ADAMTS19: variants seen among roughly 807,000 people sequenced by gnomAD.
ADAMTS19 encodes the protein ADAM metallopeptidase with thrombospondin type 1 motif 19, also known as A disintegrin and metalloproteinase with thrombospondin motifs 19.
In ADAMTS19, 93 loss-of-function variants were observed where a neutral mutation model predicts 153.3. The ratio of observed to expected loss-of-function variants is 0.61; its 90% CI spans 0.51 to 0.72. The LOEUF (loss-of-function observed/expected upper bound fraction) is 0.72, where lower values mean the gene tolerates loss of function less well. Among genes scored for constraint, ADAMTS19 ranks in the 30% least tolerant of loss-of-function variants. The pLI is 0.00. For synonymous variants in ADAMTS19, 600 were observed against 556.6 expected, an observed-to-expected ratio of 1.08 and a Z score of -1.10; for missense variants, 1,482 against 1,552.1, an observed-to-expected ratio of 0.95 and a Z score of 0.76.
intron 6 of ADAMTS19, among the ~76,000 whole-genome samples, chr5:129,545,026 T>A (rs959175899): frequency 5.3e-5 from 8 of 152,078 alleles, no homozygotes; most frequent in African/African-American, 1.4e-4. Flanking sequence ...ACTGACTGAG[T>A]TCATAATATA....
intron 3 of ADAMTS19, among the ~76,000 whole-genome samples, chr5:129,521,425 CA>C (rs1346226622): frequency 1.3e-5 from 2 of 152,054 alleles, no homozygotes; most frequent in Non-Finnish European, 2.9e-5. Flanking sequence ...TTAGATATTG[CA>C]ATAAGCAAGT....
intron 19 of ADAMTS19, 74 bp from the exon 20 acceptor site, chr5:129,701,314 A>C: frequency 6.7e-7 from 1 of 1,501,030 alleles, no homozygotes; most frequent in Non-Finnish European, 9.2e-7. Flanking sequence ...CTTTATTAGC[A>C]GTGTGAGAAC....
rs532692672 is a variant in ADAMTS19 at position 129,707,473 on chromosome 5, A to G, written c.3312+3082A>G. 2.3e-4 allele frequency among the ~76,000 whole-genome samples: 35 copies of G among 152,360 alleles called. No individual in the cohort carries two copies. In the South Asian group the frequency reaches 3.5e-3, roughly 15 times the overall value. On this transcript the variant is annotated intron_variant, in intron 21 of 22. Coordinates refer to ENST00000274487, the MANE Select transcript of ADAMTS19 (RefSeq NM_133638.6). ...CAGACTCAAACAGTGTGCACAAATTAAAACCAGTGGCTCCACGTGAATTTT... is the reference window on the plus strand; with the variant it reads ...CAGACTCAAACAGTGTGCACAAATTGAAACCAGTGGCTCCACGTGAATTTT...
At position 129,461,556 on chromosome 5, in the gene ADAMTS19, G is replaced by A. The variant is rs1039740561; in HGVS notation, c.546G>A (p.Leu182=). 5.2e-6 allele frequency: 8 copies of A among 1,547,068 alleles called. No individual in the cohort carries two copies. The highest frequency in any genetic ancestry group is 1.7e-4 in the Middle Eastern group (1 of 5,938). ...GGATCCCGGCCTTCTCTCGGGACCTGTACCTGCTGCTCCGGAGAGACGGCC... is the reference window on the plus strand; with the variant it reads ...GGATCCCGGCCTTCTCTCGGGACCTATACCTGCTGCTCCGGAGAGACGGCC... ...LLRIPAFSRD[L]YLLLRRDGRF... is the part of the protein sequence containing the mutation. The change falls in exon 2 of 23, where the codon CTG becomes CTA. Residue 182 remains leucine (L), a synonymous_variant. Coordinates refer to ENST00000274487, the MANE Select transcript of ADAMTS19 (RefSeq NM_133638.6). This position sits in a 1 kb window ranked among gnomAD's most constrained non-coding sequence, Gnocchi z 4.6.
At chr5:129,703,303 A>G (rs1348992674) in intron 20 of ADAMTS19, among the ~76,000 whole-genome samples, 2 of 151,976 alleles carry the variant, frequency 1.3e-5, no homozygotes, top group Non-Finnish European at 2.9e-5. Context: ...TGGAATATAC[A>G]TATGTGCTTT....
At chr5:129,688,540 G>C (rs943781793) in intron 18 of ADAMTS19, among the ~76,000 whole-genome samples, 76 of 152,106 alleles carry the variant, frequency 5.0e-4, no homozygotes, top group African/African-American at 1.7e-3. Flanking sequence ...TTTCAAATAT[G>C]TATTTATTAT....
chr5:129,529,361 A>G (rs919311526), intron 6 of ADAMTS19, among the ~76,000 whole-genome samples: 5 of 152,136 alleles, frequency 3.3e-5, no homozygotes, highest in African/African-American at 1.2e-4. Context: ...ATTACACATG[A>G]TTTTCTGAAA....
intron 2 of ADAMTS19, among the ~76,000 whole-genome samples, chr5:129,495,127 C>A (rs1409943822): frequency 2.0e-5 from 3 of 151,870 alleles, no homozygotes; most frequent in Non-Finnish European, 2.9e-5. Context: ...GATATGTGAG[C>A]ACTCTATTAT....
chr5:129,725,713 CCACTTCTGCCCTGGTCATGTCT>C, intron 21 of ADAMTS19, among the ~76,000 whole-genome samples: 1 of 151,952 alleles, frequency 6.6e-6, no homozygotes, highest in Non-Finnish European at 1.5e-5. Context: ...AGGGAGAGTC[CCACTTCTGCCCTGGTCATGTCT>C]GCCTGACTAT....
At chr5:129,551,961 C>T in intron 7 of ADAMTS19, 54 bp downstream of exon 7, 1 of 1,156,362 alleles carries the variant, frequency 8.6e-7, no homozygotes, top group Non-Finnish European at 1.2e-6. Context: ...GAACATATCA[C>T]TTGTTTAAGT....
chr5:129,704,583 A>G (rs964317590), intron 21 of ADAMTS19, among the ~76,000 whole-genome samples, 192 bp downstream of exon 21: 2 of 152,196 alleles, frequency 1.3e-5, no homozygotes, highest in Non-Finnish European at 2.9e-5. Flanking sequence ...TGAAGATAAA[A>G]TGTACAAAGC....
intron 7 of ADAMTS19, among the ~76,000 whole-genome samples, chr5:129,582,798 C>T (rs529830177): frequency 1.8e-4 from 27 of 151,588 alleles, no homozygotes; most frequent in Non-Finnish European, 3.1e-4. Context: ...TCTTGATCTC[C>T]TTGACCCTGT....
intron 7 of ADAMTS19, among the ~76,000 whole-genome samples, chr5:129,578,077 C>CATATACAT (rs1749255871): frequency 9.3e-6 from 1 of 107,834 alleles, no homozygotes; most frequent in African/African-American, 2.8e-5. Flanking sequence ...CACACACACA[C>CATATACAT]ACATATATAC....
rs141743571 is a variant in ADAMTS19, at chr5:129,471,450, AGAAGGAAGGAAG to A, written c.747+9717_747+9728del. ...AAAGAAAGGAAGGAAAGAAAGAAAA[AGAAGGAAGGAAG>A]GAAGGAAGGAAGGAAGGAAGGAAAG... On this transcript the variant is annotated intron_variant, in intron 2 of 22. Transcript: ENST00000274487. 1.6e-4 allele frequency among the ~76,000 whole-genome samples: 24 copies of A among 146,632 alleles called. 1 individual carries two copies. The highest frequency in any genetic ancestry group is 4.3e-4 in the South Asian group (2 of 4,600).
Position 129,596,587 on chromosome 5 carries a change from T to A in ADAMTS19, c.1401T>A (p.Ser467Arg). 1 of 1,608,290 alleles carries A rather than the reference T, an allele frequency of 6.2e-7. No individual in the cohort carries two copies. Among genetic ancestry groups the A allele is most frequent in the South Asian group, 1.1e-5 (1 of 90,012 alleles). ...TAGCTTACTTGAGTGGAATGTGTAG[T>A]GAAAAGAGAAAATGTATTATTGCTG... ...VGIAYLSGMC[S>R]EKRKCIIAED... Residue 467 changes from serine to arginine, a missense_variant, in exon 8 of 23, where the codon AGT (serine) becomes AGA (arginine). Transcript: ENST00000274487.
At position 129,620,630 on chromosome 5, in the gene ADAMTS19, C is replaced by A; in HGVS notation, c.1491C>A (p.Asn497Lys). The change falls in exon 9 of 23, where the codon AAC becomes AAA. Residue 497 changes from asparagine (N) to lysine (K), a missense_variant. Physicochemically the swap from Asn to Lys is moderately conservative, Grantham distance 94. Transcript: ENST00000274487. ...TATTCCAAATCAGCATGGGCATTAACCATGACAATGACCACCCATCGTGTG... is the reference window on the plus strand; with the variant it reads ...TATTCCAAATCAGCATGGGCATTAAACATGACAATGACCACCCATCGTGTG... ...AHEMGHNMGI[N>K]HDNDHPSCAD... 6.2e-7 allele frequency: 1 copy of A among 1,602,934 alleles called. No homozygotes were observed. Among genetic ancestry groups the A allele is most frequent in the Non-Finnish European group, 8.5e-7 (1 of 1,174,110 alleles).
chr5:129,655,478 G>T (rs928776544), intron 14 of ADAMTS19, among the ~76,000 whole-genome samples: 1 of 152,152 alleles, frequency 6.6e-6, no homozygotes, highest in African/African-American at 2.4e-5. Context: ...CAGCCTTTAG[G>T]AAACTGTTAA....
intron 2 of ADAMTS19, among the ~76,000 whole-genome samples, chr5:129,502,932 G>A (rs1751149691): frequency 6.6e-6 from 1 of 152,184 alleles, no homozygotes; most frequent in Admixed American, 6.5e-5. Flanking sequence ...GTCTGGTGTA[G>A]AATTAGAGAG....
chr5:129,654,725 C>T (rs541393570), intron 14 of ADAMTS19, among the ~76,000 whole-genome samples: 7 of 152,042 alleles, frequency 4.6e-5, no homozygotes, highest in Non-Finnish European at 8.8e-5. Flanking sequence ...GCACTTTGGA[C>T]ATTTTATGTC....
Sources: allele counts gnomAD v4.1 joint callset (sites outside exome capture counted in the v4.1 genomes callset), GRCh38; gene constraint gnomAD v4.1.1; non-coding constraint Gnocchi (gnomAD v3.1); transcripts MANE v1.5; gene names NCBI Gene and HGNC (gene_info 2026-07-23, HGNC 2026-07-21).